The following NBEA variants were observed in gnomAD, a reference collection of about 807,000 sequenced individuals.
The protein encoded by NBEA is neurobeachin, also known as lysosomal-trafficking regulator 2.
A neutral mutation model predicts 343.4 loss-of-function variants in NBEA; 44 were observed. That is an observed-to-expected ratio of 0.13 (90% CI 0.10 to 0.16). The LOEUF is 0.16. NBEA is among the 10% of genes least tolerant of loss of function. NBEA has a pLI of 1.00. For synonymous variants in NBEA, 1,175 were observed against 1,238.7 expected (o/e 0.95, Z 1.08); for missense variants, 2,555 against 3,631.3 (o/e 0.70, Z 7.62).
intron 1 of NBEA, among the ~76,000 whole-genome samples, chr13:34,967,329 T>G (rs1211592176): frequency 6.6e-6 from 1 of 151,728 alleles, no homozygotes; most frequent in Non-Finnish European, 1.5e-5. Context: ...GTTTTTTAAG[T>G]ACTATTTTTT....
intron 41 of NBEA, among the ~76,000 whole-genome samples, chr13:35,545,908 A>G (rs1293219540): frequency 6.6e-6 from 1 of 152,232 alleles, no homozygotes; most frequent in Admixed American, 6.5e-5. Context: ...CCATTAGGAC[A>G]TAAACATGAG....
chr13:35,180,604 G>A (rs1322087074), intron 28 of NBEA, among the ~76,000 whole-genome samples: 1 of 151,602 alleles, frequency 6.6e-6, no homozygotes, highest in East Asian at 1.9e-4. Context: ...GAAATGAGGA[G>A]CGTGAAATAT....
chr13:35,657,064 TA>T (rs1320792296), intron 55 of NBEA, among the ~76,000 whole-genome samples: 1 of 152,146 alleles, frequency 6.6e-6, no homozygotes. Context: ...TTGACAGGAA[TA>T]CCGCAAAAAT....
intron 47 of NBEA, among the ~76,000 whole-genome samples, chr13:35,598,860 C>T (rs561497449): frequency 1.3e-5 from 2 of 152,280 alleles, no homozygotes; most frequent in East Asian, 3.9e-4. Context: ...TTTTGAGAAT[C>T]TTTTGCCAAC....
chr13:35,292,241 A>T (rs1017977064), intron 35 of NBEA, among the ~76,000 whole-genome samples: 1 of 151,948 alleles, frequency 6.6e-6, no homozygotes, highest in African/African-American at 2.4e-5. Context: ...TCATGTCTTT[A>T]GTTGTAAGGA....
chr13:35,627,138 G>A (rs1019760663), intron 48 of NBEA, among the ~76,000 whole-genome samples: 1 of 152,162 alleles, frequency 6.6e-6, no homozygotes, highest in Non-Finnish European at 1.5e-5. Context: ...TCAACACCAT[G>A]GAAATCACAG....
chr13:35,038,756 C>T (rs1399511228), intron 1 of NBEA, among the ~76,000 whole-genome samples: 1 of 152,086 alleles, frequency 6.6e-6, no homozygotes, highest in Non-Finnish European at 1.5e-5. Flanking sequence ...AACTCCTCCC[C>T]ACTCTTCCCT....
intron 40 of NBEA, among the ~76,000 whole-genome samples, chr13:35,458,624 T>C (rs2046717325): frequency 6.6e-6 from 1 of 152,174 alleles, no homozygotes; most frequent in South Asian, 2.1e-4. Flanking sequence ...TTTTGTTTTG[T>C]CTTTTGTTTT....
intron 40 of NBEA, among the ~76,000 whole-genome samples, chr13:35,455,227 A>T (rs2046509171): frequency 6.6e-6 from 1 of 152,150 alleles, no homozygotes; most frequent in Non-Finnish European, 1.5e-5. Context: ...TTTTGCTGAC[A>T]TAGGCATAGA....
At chr13:35,091,996 A>T (rs943039888) in intron 10 of NBEA, among the ~76,000 whole-genome samples, 1 of 152,044 alleles carries the variant, frequency 6.6e-6, no homozygotes, top group Non-Finnish European at 1.5e-5. Context: ...ATAAAGTTGG[A>T]AGAATTATAC....
At chr13:35,043,127 A>T (rs2062714899) in intron 2 of NBEA, among the ~76,000 whole-genome samples, 1 of 151,872 alleles carries the variant, frequency 6.6e-6, no homozygotes, top group African/African-American at 2.4e-5. Flanking sequence ...ATATATAAGT[A>T]ATTCGTATTT....
chr13:35,400,662 A>G (rs1180038854), intron 38 of NBEA, among the ~76,000 whole-genome samples: 2 of 151,998 alleles, frequency 1.3e-5, no homozygotes, highest in African/African-American at 4.8e-5. Flanking sequence ...TTACTGCCTC[A>G]ATCCACAATG....
intron 1 of NBEA, among the ~76,000 whole-genome samples, chr13:34,991,126 A>G (rs1325513428): frequency 4.6e-5 from 7 of 152,136 alleles, no homozygotes; most frequent in Non-Finnish European, 1.0e-4. Context: ...GAAAGTTCCA[A>G]ACCTTCCTTG....
At chr13:35,112,050 G>A (rs1482828234) in intron 13 of NBEA, among the ~76,000 whole-genome samples, 1 of 151,154 alleles carries the variant, frequency 6.6e-6, no homozygotes, top group African/African-American at 2.4e-5. Context: ...CCGAGTAGCT[G>A]GGACTACAGG....
chr13:34,946,847 G>GTTT (rs778860351), intron 1 of NBEA, among the ~76,000 whole-genome samples: 1 of 130,258 alleles, frequency 7.7e-6, no homozygotes, highest in African/African-American at 2.8e-5. Flanking sequence ...TAACTTTAAG[G>GTTT]TTTTTTTTTT....
intron 41 of NBEA, among the ~76,000 whole-genome samples, chr13:35,501,974 G>A (rs1399019107): frequency 6.6e-6 from 1 of 152,036 alleles, no homozygotes; most frequent in Non-Finnish European, 1.5e-5. Flanking sequence ...CAGAGAAAAA[G>A]GTATTTATTT....
intron 6 of NBEA, among the ~76,000 whole-genome samples, chr13:35,055,397 C>G (rs1223546786): frequency 6.6e-6 from 1 of 151,488 alleles, no homozygotes; most frequent in Non-Finnish European, 1.5e-5. Context: ...AATAAATATT[C>G]CCACATTGTT....
At chr13:35,319,736 G>A (rs1338763498) in intron 36 of NBEA, among the ~76,000 whole-genome samples, 2 of 152,116 alleles carry the variant, frequency 1.3e-5, no homozygotes, top group Non-Finnish European at 2.9e-5. Flanking sequence ...AAGTCTCTTT[G>A]TAAGTCTCTA....
chr13:35,663,822 T>G (rs1014579636), intron 55 of NBEA, among the ~76,000 whole-genome samples: 5 of 152,204 alleles, frequency 3.3e-5, no homozygotes, highest in Admixed American at 2.6e-4. Flanking sequence ...GCAATATCCA[T>G]GTATTCAGAA....
Sources: allele counts gnomAD v4.1 joint callset (sites outside exome capture counted in the v4.1 genomes callset), GRCh38; gene constraint gnomAD v4.1.1; transcripts MANE v1.5; gene names NCBI Gene and HGNC (gene_info 2026-07-23, HGNC 2026-07-21).